SPATA16: variants seen among roughly 807,000 people sequenced by gnomAD.
SPATA16 encodes spermatogenesis-associated protein 16.
In SPATA16, 36 loss-of-function variants were observed where a neutral mutation model predicts 63.3. The observed-to-expected ratio is 0.57, with a 90% CI of 0.44 to 0.75. The LOEUF is 0.75. SPATA16 is among the 30% of genes least tolerant of loss of function. SPATA16 has a pLI of 0.00. For missense variants in SPATA16, 646 were observed against 679.3 expected, an observed-to-expected ratio of 0.95 and a Z score of 0.54; for synonymous variants, 203 against 216.7, an observed-to-expected ratio of 0.94 and a Z score of 0.56.
intron 4 of SPATA16, among the ~76,000 whole-genome samples, chr3:172,994,563 C>G (rs188507125): frequency 6.6e-6 from 1 of 151,578 alleles, no homozygotes; most frequent in African/African-American, 2.4e-5. Context: ...TGCACACGCA[C>G]GTGATGGGAA....
chr3:173,133,627 C>T (rs553867273), intron 1 of SPATA16, among the ~76,000 whole-genome samples: 1 of 152,224 alleles, frequency 6.6e-6, no homozygotes, highest in African/African-American at 2.4e-5. Flanking sequence ...GAGAAGACAG[C>T]ACAATTTAAA....
chr3:172,943,380 C>T (rs1021496567), intron 6 of SPATA16, among the ~76,000 whole-genome samples: 1 of 152,168 alleles, frequency 6.6e-6, no homozygotes, highest in Non-Finnish European at 1.5e-5. Flanking sequence ...CTTTATTCAA[C>T]CTTGTGTTGC....
At chr3:173,104,617 C>G (rs1024364417) in intron 2 of SPATA16, among the ~76,000 whole-genome samples, 1 of 152,126 alleles carries the variant, frequency 6.6e-6, no homozygotes, top group African/African-American at 2.4e-5. Context: ...AGAAATCACT[C>G]TCTTGAGGAC....
intron 1 of SPATA16, among the ~76,000 whole-genome samples, chr3:173,140,813 A>G (rs2108354007): frequency 6.6e-6 from 1 of 152,322 alleles, no homozygotes; most frequent in Non-Finnish European, 1.5e-5. Flanking sequence ...GTGGGATCTT[A>G]GTCTTTACTT....
intron 4 of SPATA16, among the ~76,000 whole-genome samples, chr3:172,986,462 T>C (rs746733902): frequency 3.3e-5 from 5 of 152,064 alleles, no homozygotes; most frequent in Non-Finnish European, 7.4e-5. Context: ...TAAATCAATA[T>C]ATGTACTAAT....
At chr3:173,111,613 T>A (rs930222779) in intron 2 of SPATA16, among the ~76,000 whole-genome samples, 1 of 152,204 alleles carries the variant, frequency 6.6e-6, no homozygotes, top group African/African-American at 2.4e-5. Flanking sequence ...TTCTGAGATA[T>A]CCACATTTTT....
chr3:173,121,347 C>A (rs1403565021), intron 1 of SPATA16, among the ~76,000 whole-genome samples: 3 of 151,956 alleles, frequency 2.0e-5, no homozygotes, highest in African/African-American at 7.3e-5. Flanking sequence ...TGTGTGTTTT[C>A]AGCCTTATTT....
Position 172,948,999 on chromosome 3 carries a change from G to A in SPATA16, c.1081+7678C>T, listed in dbSNP as rs533654420. On this transcript the variant is annotated intron_variant, in intron 6 of 10. Coordinates refer to ENST00000351008, the MANE Select transcript of SPATA16 (RefSeq NM_031955.6). The stretch of plus-strand genomic sequence containing the variant: ...TTAGGAATAGATAGGTGGTAATGCT[G>A]TAAAGTAAGAAGATAATTACTCTGA... Among the ~76,000 whole-genome samples, 73 of 152,216 alleles carry A rather than the reference G, an allele frequency of 4.8e-4. 3 individuals carry two copies. Among genetic ancestry groups the A allele is most frequent in the South Asian group, 4.2e-3 (20 of 4,818 alleles).
At chr3:173,030,558 A>G (rs973796266) in intron 3 of SPATA16, among the ~76,000 whole-genome samples, 2 of 152,126 alleles carry the variant, frequency 1.3e-5, no homozygotes, top group Admixed American at 1.3e-4. Flanking sequence ...AATAGCTACT[A>G]TAAAAAATCA....
chr3:173,054,459 A>G (rs1028008942), intron 2 of SPATA16, among the ~76,000 whole-genome samples: 1 of 152,214 alleles, frequency 6.6e-6, no homozygotes, highest in Non-Finnish European at 1.5e-5. Context: ...CAACCATAAA[A>G]AGGAATGAGA....
intron 8 of SPATA16, among the ~76,000 whole-genome samples, chr3:172,923,438 C>T (rs1039672610): frequency 2.0e-5 from 3 of 152,158 alleles, no homozygotes; most frequent in African/African-American, 7.2e-5. Flanking sequence ...ACCCTCTTAG[C>T]TCCCCTTTTA....
chr3:172,995,008 G>A (rs138136694), intron 4 of SPATA16, among the ~76,000 whole-genome samples: 4 of 152,148 alleles, frequency 2.6e-5, no homozygotes, highest in African/African-American at 9.6e-5. Flanking sequence ...TATAAAAGGT[G>A]GAGCTTGAGG....
At chr3:173,119,388 A>T (rs148892484) in intron 1 of SPATA16, among the ~76,000 whole-genome samples, 7 of 152,330 alleles carry the variant, frequency 4.6e-5, no homozygotes, top group African/African-American at 1.7e-4. Context: ...GGAGAACCAT[A>T]ACTGTTCCTA....
chr3:173,140,042 G>A (rs982347577), intron 1 of SPATA16, among the ~76,000 whole-genome samples: 1 of 152,150 alleles, frequency 6.6e-6, no homozygotes, highest in African/African-American at 2.4e-5. Flanking sequence ...AGGATTAACT[G>A]TGGGTTTATG....
intron 10 of SPATA16, among the ~76,000 whole-genome samples, chr3:172,898,681 T>C (rs1732060872): frequency 6.6e-6 from 1 of 151,628 alleles, no homozygotes; most frequent in African/African-American, 2.4e-5. Flanking sequence ...GTGGCATTGA[T>C]TTTCTTTATT....
rs138711609 is a variant in SPATA16, at chr3:173,120,053, C to G, written c.-18-2304G>C. ...AGTGCGCCAAGATCGTGTCATTGCACTCCAGCCTAGGCAACAAGAGCGAAA... is the reference window on the plus strand; with the variant it reads ...AGTGCGCCAAGATCGTGTCATTGCAGTCCAGCCTAGGCAACAAGAGCGAAA... On this transcript the variant is annotated intron_variant, in intron 1 of 10. Coordinates refer to ENST00000351008, the MANE Select transcript of SPATA16 (RefSeq NM_031955.6). Among the ~76,000 whole-genome samples the G allele has an allele frequency of 2.9e-3, 440 of 151,108 alleles. 1 individual carries two copies. The highest frequency in any genetic ancestry group is 0.01 in the African/African-American group (422 of 41,102).
At chr3:172,997,237 G>A (rs774730193) in intron 4 of SPATA16, among the ~76,000 whole-genome samples, 3 of 151,966 alleles carry the variant, frequency 2.0e-5, no homozygotes, top group Non-Finnish European at 4.4e-5. Flanking sequence ...CAGAGTGGCT[G>A]TACCATTTTG....
At chr3:173,101,369 T>C (rs775940358) in intron 2 of SPATA16, among the ~76,000 whole-genome samples, 1 of 152,178 alleles carries the variant, frequency 6.6e-6, no homozygotes, top group Non-Finnish European at 1.5e-5. Flanking sequence ...CATACCCTAA[T>C]CAAAGGTTTG....
intron 3 of SPATA16, among the ~76,000 whole-genome samples, chr3:173,030,559 T>A (rs1735581804): frequency 6.6e-6 from 1 of 151,956 alleles, no homozygotes; most frequent in South Asian, 2.1e-4. Context: ...ATAGCTACTA[T>A]AAAAAATCAG....
Sources: allele counts gnomAD v4.1 joint callset (sites outside exome capture counted in the v4.1 genomes callset), GRCh38; gene constraint gnomAD v4.1.1; transcripts MANE v1.5; gene names NCBI Gene and HGNC (gene_info 2026-07-23, HGNC 2026-07-21).